CCDC88A: variants seen among roughly 807,000 people sequenced by gnomAD.
CCDC88A encodes girdin.
Under a neutral mutation model 234.3 loss-of-function variants are expected in CCDC88A, and 54 were observed. That is an observed-to-expected ratio of 0.23 (90% confidence interval 0.19 to 0.29). CCDC88A has a LOEUF of 0.29. Ranked by LOEUF, CCDC88A falls within the 10% of genes least tolerant of loss-of-function variation. The pLI is 1.00. For synonymous variants in CCDC88A, 753 were observed against 737.8 expected (o/e 1.02, Z -0.33); for missense variants, 1,832 against 2,123.4 (o/e 0.86, Z 2.70).
chr2:55,418,013 A>G (rs999639130), intron 2 of CCDC88A: 2 of 152,162 alleles, frequency 1.3e-5, no homozygotes, highest in African/African-American at 2.4e-5. Context: ...GTATGCTACA[A>G]TAGCTGTAAT....
intron 22 of CCDC88A, among the ~76,000 whole-genome samples, chr2:55,315,692 A>G (rs1173755919): frequency 6.6e-6 from 1 of 152,218 alleles, no homozygotes; most frequent in Non-Finnish European, 1.5e-5. Context: ...GAATAATTTT[A>G]CAATTTTCAA....
At chr2:55,395,735 C>A (rs1902058) in intron 2 of CCDC88A, among the ~76,000 whole-genome samples, 130,713 of 152,148 alleles carry the variant, frequency 0.86, 56,601 homozygotes, top group Admixed American at 0.93. Context: ...AATCAGTTGA[C>A]TAATAGAGTC....
chr2:55,349,744 A>G (rs998935814), intron 8 of CCDC88A, 145 bp from the exon 9 acceptor site: 4 of 527,046 alleles, frequency 7.6e-6, no homozygotes, highest in Non-Finnish European at 9.8e-6. Flanking sequence ...TAAAAAAAAA[A>G]AGATAGATAT....
intron 27 of CCDC88A, 120 bp downstream of exon 27, chr2:55,301,752 A>G (rs1187413610): frequency 3.7e-6 from 3 of 810,998 alleles, no homozygotes; most frequent in Non-Finnish European, 4.1e-6. Context: ...AATCCAATAC[A>G]GATCATGTTT....
At chr2:55,383,575 A>G (rs1423494821) in intron 3 of CCDC88A, among the ~76,000 whole-genome samples, 5 of 151,276 alleles carry the variant, frequency 3.3e-5, no homozygotes, top group African/African-American at 7.3e-5. Context: ...GTGAGTCAAG[A>G]TTGTGCCACT....
chr2:55,333,204 T>G (rs1221764238), intron 15 of CCDC88A, among the ~76,000 whole-genome samples: 2 of 152,182 alleles, frequency 1.3e-5, no homozygotes, highest in Non-Finnish European at 2.9e-5. Context: ...TCTCAATGCT[T>G]CTTTAGCAGA....
At chr2:55,302,899 C>A (rs1301195917) in intron 26 of CCDC88A, 170 bp downstream of exon 26, 1 of 538,724 alleles carries the variant, frequency 1.9e-6, no homozygotes, top group Non-Finnish European at 3.4e-6. Flanking sequence ...ATACATAATG[C>A]AAATTCAGTG....
At chr2:55,387,779 CAAAAAAAA>C (rs66479611) in intron 3 of CCDC88A, among the ~76,000 whole-genome samples, 2 of 64,850 alleles carry the variant, frequency 3.1e-5, no homozygotes, top group African/African-American at 5.5e-5. Flanking sequence ...GGCTCCATCT[CAAAAAAAA>C]AAAAAAAAAA....
intron 2 of CCDC88A, chr2:55,405,582 C>T (rs954942853): frequency 1.3e-5 from 2 of 152,338 alleles, no homozygotes; most frequent in Non-Finnish European, 2.9e-5. Context: ...AGGACCAGTA[C>T]AGGTCTGTGC....
At chr2:55,406,452 A>G (rs1302851717) in intron 2 of CCDC88A, among the ~76,000 whole-genome samples, 1 of 152,096 alleles carries the variant, frequency 6.6e-6, no homozygotes, top group African/African-American at 2.4e-5. Context: ...GTAATAGTTC[A>G]GGTCTTAATC....
At chr2:55,326,481 G>A (rs776216732) in intron 17 of CCDC88A, among the ~76,000 whole-genome samples, 1 of 152,124 alleles carries the variant, frequency 6.6e-6, no homozygotes, top group East Asian at 1.9e-4. Context: ...AGTATTAAAA[G>A]TTTATAACAA....
intron 3 of CCDC88A, among the ~76,000 whole-genome samples, chr2:55,377,827 C>A (rs948821086): frequency 1.3e-5 from 1 of 74,298 alleles, no homozygotes; most frequent in South Asian, 3.4e-4. Context: ...AGGCTGGTCT[C>A]TAACTCCTGA....
chr2:55,332,536 A>C lies in CCDC88A; in HGVS notation c.2855+30T>G. ...TGAGCAAAAAAAAAAAAAAATTTTC[A>C]ACTGTTTGCCAAGTAGACTTAGTAC... On this transcript the variant is annotated intron_variant, in intron 16 of 32. Transcript: ENST00000436346. This position sits in a 1 kb window ranked among gnomAD's most constrained non-coding sequence, Gnocchi z 4.5. The C allele has an allele frequency of 6.3e-7, 1 of 1,582,942 alleles. No individual in the cohort carries two copies. The highest frequency in any genetic ancestry group is 1.2e-5 in the South Asian group (1 of 84,994).
Position 55,412,481 on chromosome 2 carries a change from G to C in CCDC88A, c.164+6335C>G, listed in dbSNP as rs180782857. Among the ~76,000 whole-genome samples the C allele has an allele frequency of 2.6e-4, 39 of 152,310 alleles. No homozygotes were observed. In the East Asian group the frequency reaches 7.1e-3, roughly 28 times the overall value. ...ACTGCCTGAGCTCTGCCTCCTGTCA[G>C]ATCAACAACAGCATTAGATTCTCAC... On this transcript the variant is annotated intron_variant, in intron 2 of 32. Transcript: ENST00000436346.
At chr2:55,365,350 T>A (rs747231575) in intron 5 of CCDC88A, among the ~76,000 whole-genome samples, 1 of 152,134 alleles carries the variant, frequency 6.6e-6, no homozygotes, top group African/African-American at 2.4e-5. Flanking sequence ...TTTTCAGGTA[T>A]AGTAACATCA....
chr2:55,410,318 T>C (rs947971438), intron 2 of CCDC88A, among the ~76,000 whole-genome samples: 6 of 152,094 alleles, frequency 3.9e-5, no homozygotes, highest in South Asian at 2.1e-4. Context: ...CGGGAGGAGG[T>C]TGGGCTTAAC....
At chr2:55,360,440 C>A (rs191303430) in intron 7 of CCDC88A, among the ~76,000 whole-genome samples, 96 of 152,246 alleles carry the variant, frequency 6.3e-4, no homozygotes, top group Non-Finnish European at 1.2e-3. Context: ...CTACTGGTAG[C>A]CCAAATTGAG....
At position 55,335,140 on chromosome 2, in the gene CCDC88A, C is replaced by T; in HGVS notation, c.1681G>A (p.Glu561Lys). 1 of 1,537,636 alleles carries T rather than the reference C, an allele frequency of 6.5e-7. No individual in the cohort carries two copies. Among genetic ancestry groups the T allele is most frequent in the South Asian group, 1.3e-5 (1 of 75,746 alleles). ...GAAGACACTGTTTGATTCAGATGTT[C>T]ATTTTCCTGTTCCAGTATCTTAATC... ...RQIKILEQEN[E>K]HLNQTVSSLR... The change falls in exon 15 of 33, where the codon GAA (glutamate) becomes AAA (lysine). Residue 561 changes from glutamate (E) to lysine (K), a missense_variant. By Grantham distance (56) the Glu-to-Lys change is moderately conservative (BLOSUM62 1). Coordinates refer to ENST00000436346, the MANE Select transcript of CCDC88A (RefSeq NM_001365480.1). The surrounding 1 kb of genome is among the most constrained non-coding windows in gnomAD (Gnocchi z 4.5).
In CCDC88A at chr2:55,308,845, C is replaced by T; in HGVS notation, c.4351G>A (p.Glu1451Lys). 1 of 1,614,140 alleles carries T rather than the reference C, an allele frequency of 6.2e-7. No homozygotes were observed. The highest frequency in any genetic ancestry group is 8.5e-7 in the Non-Finnish European group (1 of 1,180,012). The change falls in exon 25 of 33, where the codon GAA (glutamate) becomes AAA (lysine). Residue 1451 changes from glutamate to lysine, a missense_variant. By Grantham distance (56) the Glu-to-Lys change is moderately conservative (BLOSUM62 1). Transcript: ENST00000436346. ...TTGGTCCCCAAGGTCTGGCCATCTTCTAAAGAGTTTGAACCTACTGAAGAA... is the reference window on the plus strand; with the variant it reads ...TTGGTCCCCAAGGTCTGGCCATCTTTTAAAGAGTTTGAACCTACTGAAGAA... Reference protein sequence around the residue: ...DSSSVGSNSLEDGQTLGTKKS... With the variant: ...DSSSVGSNSLKDGQTLGTKKS...
Sources: allele counts gnomAD v4.1 joint callset (sites outside exome capture counted in the v4.1 genomes callset), GRCh38; gene constraint gnomAD v4.1.1; non-coding constraint Gnocchi (gnomAD v3.1); transcripts MANE v1.5; gene names NCBI Gene and HGNC (gene_info 2026-07-23, HGNC 2026-07-21).